The following DACH2 variants were observed in gnomAD, a reference collection of about 807,000 sequenced individuals.
The protein encoded by DACH2 is dachshund homolog 2.
Under a neutral mutation model 35.8 loss-of-function variants are expected in DACH2, and 17 were observed. The observed-to-expected ratio is 0.48, with a 90% CI of 0.33 to 0.71. The LOEUF is 0.71. DACH2 is among the 30% of genes least tolerant of loss of function. The pLI is 0.02. For missense variants in DACH2, 469 were observed against 472.7 expected, an observed-to-expected ratio of 0.99 and a Z score of 0.07; for synonymous variants, 195 against 177.3, an observed-to-expected ratio of 1.10 and a Z score of -0.79.
intron 3 of DACH2, among the ~76,000 whole-genome samples, chrX:86,530,065 C>CT (rs1406192129): frequency 9.2e-6 from 1 of 108,622 alleles, no homozygotes; most frequent in Non-Finnish European, 1.9e-5. Flanking sequence ...TATCTATTGA[C>CT]TTTTTTGTGA....
intron 1 of DACH2, among the ~76,000 whole-genome samples, chrX:86,300,942 C>G (rs1474088053): frequency 1.8e-5 from 2 of 111,842 alleles, no homozygotes; most frequent in Non-Finnish European, 3.8e-5. Context: ...TGAAGCAGTA[C>G]AAAGGTTATT....
chrX:86,703,604 T>A (rs752572500), intron 5 of DACH2, among the ~76,000 whole-genome samples: 1 of 111,636 alleles, frequency 9.0e-6, no homozygotes, highest in African/African-American at 3.2e-5. Flanking sequence ...TACAAAAAAA[T>A]TGTAGCATTT....
At chrX:86,707,912 T>TTAAAAAAAAAAAAAAAAAAA (rs2041235043) in intron 5 of DACH2, among the ~76,000 whole-genome samples, 2 of 34,579 alleles carry the variant, frequency 5.8e-5, no homozygotes, top group Non-Finnish European at 9.0e-5. Flanking sequence ...AGACTCCATC[T>TTAAAAAAAAAAAAAAAAAAA]AAAAAAAAAA....
Position 86,148,462 on chromosome X carries a change from A to T in DACH2, c.-159A>T. The T allele has an allele frequency of 3.4e-6, 2 of 587,076 alleles. No individual in the cohort carries two copies. Among genetic ancestry groups the T allele is most frequent in the Non-Finnish European group, 5.2e-6 (2 of 388,009 alleles). 48.4% of individuals were successfully genotyped at this position (587,076 alleles called of 1,213,427 possible). A position where few individuals can be genotyped will look rare whatever the true frequency, so the allele number is the denominator to read the frequency against. The stretch of plus-strand genomic sequence containing the variant: ...GGTCGGGGCTGCTCACTGTTTGTTG[A>T]GCTTGAGCGTGAGCCGGCTGCTGAA... On this transcript the variant is annotated 5_prime_UTR_variant, in exon 1 of 12. Coordinates refer to ENST00000373125, the MANE Select transcript of DACH2 (RefSeq NM_053281.3).
chrX:86,475,456 C>G (rs990327034), intron 2 of DACH2, among the ~76,000 whole-genome samples: 5 of 111,385 alleles, frequency 4.5e-5, no homozygotes, highest in African/African-American at 1.6e-4. Flanking sequence ...CTATTGTAAA[C>G]AGGATTACTT....
chrX:86,770,315 A>ATACT (rs2041976776), intron 7 of DACH2, among the ~76,000 whole-genome samples: 1 of 111,823 alleles, frequency 8.9e-6, no homozygotes, highest in African/African-American at 3.3e-5. Context: ...GTGTTGAAGG[A>ATACT]TACTTAAGTG....
At chrX:86,168,430 A>G (rs1048180881) in intron 1 of DACH2, among the ~76,000 whole-genome samples, 9 of 110,560 alleles carry the variant, frequency 8.1e-5, no homozygotes, top group Non-Finnish European at 1.5e-4. Context: ...GTGTGTATTT[A>G]TAGGTGAAGT....
intron 3 of DACH2, among the ~76,000 whole-genome samples, chrX:86,600,164 G>T (rs1222753296): frequency 8.9e-6 from 1 of 112,054 alleles, no homozygotes; most frequent in Admixed American, 9.4e-5. Flanking sequence ...CATGGCTTTT[G>T]TTGTAGACAC....
At chrX:86,422,738 T>C (rs2036826091) in intron 2 of DACH2, among the ~76,000 whole-genome samples, 1 of 111,179 alleles carries the variant, frequency 9.0e-6, no homozygotes, top group Non-Finnish European at 1.9e-5. Context: ...AGTCTCCCTG[T>C]TGTGCTATCA....
chrX:86,491,265 G>A (rs1343342309), intron 2 of DACH2, among the ~76,000 whole-genome samples: 1 of 111,611 alleles, frequency 9.0e-6, no homozygotes, highest in East Asian at 2.8e-4. Context: ...ACATTGTACA[G>A]GACACACTTC....
At chrX:86,235,303 A>G (rs1419725815) in intron 1 of DACH2, among the ~76,000 whole-genome samples, 1 of 112,246 alleles carries the variant, frequency 8.9e-6, no homozygotes, top group Non-Finnish European at 1.9e-5. Context: ...GTTTACCTTG[A>G]TGTCTTGTCT....
At chrX:86,741,567 G>A (rs1314549150) in intron 7 of DACH2, among the ~76,000 whole-genome samples, 3 of 111,849 alleles carry the variant, frequency 2.7e-5, no homozygotes, top group African/African-American at 6.5e-5. Flanking sequence ...CATGACAGAC[G>A]TCTTCTAGCT....
intron 1 of DACH2, among the ~76,000 whole-genome samples, chrX:86,159,992 C>T (rs1448900915): frequency 9.2e-6 from 1 of 108,668 alleles, no homozygotes; most frequent in African/African-American, 3.4e-5. Flanking sequence ...AAGTTGTTTC[C>T]ATTAAAAAGT....
chrX:86,509,516 T>C (rs1295342665), intron 2 of DACH2, among the ~76,000 whole-genome samples: 3 of 111,920 alleles, frequency 2.7e-5, no homozygotes, highest in Non-Finnish European at 5.6e-5. Context: ...GTTAGGCAAG[T>C]GATCTGTTTG....
Position 86,596,084 on chromosome X carries a change from T to C in DACH2, c.641-54952T>C, listed in dbSNP as rs180866925. On this transcript the variant is annotated intron_variant, in intron 3 of 11. Transcript: ENST00000373125. ...CAAGTCTCATCCATGTTGCAGCAAG[T>C]ATTAGTTCCCATTCTTTTCTATGGC... Among the ~76,000 whole-genome samples, 11 of 112,313 alleles carry C rather than the reference T, an allele frequency of 9.8e-5. No homozygotes were observed. In the East Asian group the frequency reaches 2.8e-3, roughly 29 times the overall value.
At chrX:86,647,889 C>T (rs1040215424) in intron 3 of DACH2, among the ~76,000 whole-genome samples, 2 of 110,449 alleles carry the variant, frequency 1.8e-5, no homozygotes, top group African/African-American at 6.5e-5. Flanking sequence ...AATCAAATAA[C>T]TTAATAAATA....
chrX:86,741,081 A>T (rs1399353513), intron 7 of DACH2, among the ~76,000 whole-genome samples: 4 of 110,742 alleles, frequency 3.6e-5, no homozygotes, highest in Non-Finnish European at 5.7e-5. Flanking sequence ...CTATTCCTTT[A>T]CTCTTACAAG....
chrX:86,179,679 T>C (rs1286022207), intron 1 of DACH2, among the ~76,000 whole-genome samples: 1 of 111,384 alleles, frequency 9.0e-6, no homozygotes, highest in Non-Finnish European at 1.9e-5. Context: ...CCTGCATTTT[T>C]GAGCACTCAA....
intron 2 of DACH2, among the ~76,000 whole-genome samples, chrX:86,399,568 G>C (rs1036186471): frequency 3.6e-5 from 4 of 111,685 alleles, no homozygotes; most frequent in Non-Finnish European, 7.5e-5. Flanking sequence ...CTCTTTTAGG[G>C]CAGGTCTGGT....
Sources: gnomAD v4.1 joint callset for allele counts (sites outside exome capture counted in the v4.1 genomes callset) on GRCh38, gnomAD v4.1.1 for gene constraint, MANE v1.5 for transcripts, NCBI Gene and HGNC (gene_info 2026-07-23, HGNC 2026-07-21) for gene names.